ZNF608: variants seen among roughly 807,000 people sequenced by gnomAD.
The protein encoded by ZNF608 is zinc finger protein 608, also known as renal carcinoma antigen NY-REN-36.
Under a neutral mutation model 109.0 loss-of-function variants are expected in ZNF608, and 12 were observed. The observed-to-expected ratio is 0.11, with a 90% CI of 0.07 to 0.18. The LOEUF (loss-of-function observed/expected upper bound fraction) is 0.18, where lower values mean the gene tolerates loss of function less well. Among genes scored for constraint, ZNF608 ranks in the 10% least tolerant of loss-of-function variants. ZNF608 has a pLI of 1.00. For synonymous variants in ZNF608, 732 were observed against 717.4 expected (o/e 1.02, Z -0.33); for missense variants, 1,707 against 1,879.3 (o/e 0.91, Z 1.70).
chr5:124,719,349 G>A (rs2149876813), intron 2 of ZNF608, among the ~76,000 whole-genome samples: 1 of 152,348 alleles, frequency 6.6e-6, no homozygotes, highest in South Asian at 2.1e-4. Flanking sequence ...GCAACTAACA[G>A]TTTAGTGGGG....
At chr5:124,667,209 T>C (rs1751514548) in intron 3 of ZNF608, among the ~76,000 whole-genome samples, 2 of 152,106 alleles carry the variant, frequency 1.3e-5, no homozygotes, top group East Asian at 1.9e-4. Context: ...ATTAAAGAAA[T>C]AAAGTTATTG....
intron 2 of ZNF608, among the ~76,000 whole-genome samples, chr5:124,715,582 C>G (rs959843430): frequency 6.6e-6 from 1 of 152,074 alleles, no homozygotes; most frequent in East Asian, 1.9e-4. Flanking sequence ...TCAAGAAAAA[C>G]TATTATCTTC....
At chr5:124,661,831 T>C (rs1751276620) in intron 3 of ZNF608, among the ~76,000 whole-genome samples, 2 of 152,232 alleles carry the variant, frequency 1.3e-5, no homozygotes, top group African/African-American at 2.4e-5. Flanking sequence ...CAGGATGAAG[T>C]GTTCAAGGCA....
chr5:124,748,010 A>G (rs964899078), upstream of ZNF608, among the ~76,000 whole-genome samples: 4 of 152,032 alleles, frequency 2.6e-5, no homozygotes. Flanking sequence ...TTTTCTCTTA[A>G]TGGTATTTTT....
At chr5:124,722,836 G>A (rs908072660) in intron 2 of ZNF608, among the ~76,000 whole-genome samples, 18 of 151,808 alleles carry the variant, frequency 1.2e-4, no homozygotes, top group Admixed American at 9.2e-4. Flanking sequence ...AGCACTCTTC[G>A]GATAATTCAG....
In ZNF608 at chr5:124,668,216, AT is replaced by A. The variant is rs1561547704; in HGVS notation, c.1163-18520del. On this transcript the variant is annotated intron_variant, in intron 3 of 9. Coordinates refer to ENST00000513986, the MANE Select transcript of ZNF608 (RefSeq NM_020747.3). ...TAAAAATATATATATATATATATAT[AT>A]TATATATATATATATTTTATATATA... Among the ~76,000 whole-genome samples, 22 of 115,114 alleles carry A rather than the reference AT, an allele frequency of 1.9e-4. No homozygotes were observed. In the South Asian group the frequency reaches 3.1e-3, roughly 16 times the overall value. 75.5% of individuals were successfully genotyped at this position (115,114 alleles called of 152,430 possible).
intron 3 of ZNF608, among the ~76,000 whole-genome samples, chr5:124,691,095 C>T (rs1263872835): frequency 6.6e-6 from 1 of 152,022 alleles, no homozygotes; most frequent in Non-Finnish European, 1.5e-5. Flanking sequence ...CAACACCAAC[C>T]CGCACAACAT....
At chr5:124,691,986 C>A (rs1027885557) in intron 3 of ZNF608, among the ~76,000 whole-genome samples, 10 of 151,902 alleles carry the variant, frequency 6.6e-5, no homozygotes, top group Non-Finnish European at 1.2e-4. Context: ...AGAGTTTTTT[C>A]CCATCTACAT....
intron 1 of ZNF608, 149 bp from the exon 2 acceptor site, chr5:124,745,321 T>A: frequency 1.8e-6 from 1 of 541,306 alleles, no homozygotes; most frequent in Non-Finnish European, 2.5e-6. Flanking sequence ...ATATCAGGTT[T>A]AAAGGAAAAT....
chr5:124,747,874 T>A (rs1749694831), upstream of ZNF608, among the ~76,000 whole-genome samples: 1 of 152,032 alleles, frequency 6.6e-6, no homozygotes, highest in African/African-American at 2.4e-5. Context: ...CTACTTGGAT[T>A]TTAGGGACCC....
Position 124,744,707 on chromosome 5 carries a change from C to T in ZNF608, c.283G>A (p.Gly95Arg). Residue 95 changes from glycine to arginine, a missense_variant, in exon 2 of 10, where the codon GGG (glycine) becomes AGG (arginine). Gly to Arg is a moderately radical substitution (Grantham distance 125). This residue lies in a region of ZNF608 where 407 missense variants were observed against 398.7 expected (regional missense o/e 1.02). Transcript: ENST00000513986. This position sits in a 1 kb window ranked among gnomAD's most constrained non-coding sequence, Gnocchi z 4.5. ...FASVQASAPQ[G>R]NSHKETSKSK... ...TTGCTGGTCTCTTTGTGTGAATTCC[C>T]CTGGGGAGCAGAGGCCTGAACAGAA... is the stretch of plus-strand genomic sequence containing the variant. 3 of 1,614,158 alleles carry T rather than the reference C, an allele frequency of 1.9e-6. No individual in the cohort carries two copies. The highest frequency in any genetic ancestry group is 2.5e-6 in the Non-Finnish European group (3 of 1,180,032).
intron 3 of ZNF608, among the ~76,000 whole-genome samples, chr5:124,680,185 T>C (rs1050865189): frequency 6.6e-6 from 1 of 152,130 alleles, no homozygotes; most frequent in African/African-American, 2.4e-5. Context: ...ATAAATTAAA[T>C]GACTAGATCT....
chr5:124,681,508 G>T (rs1282253230), intron 3 of ZNF608, among the ~76,000 whole-genome samples: 1 of 152,118 alleles, frequency 6.6e-6, no homozygotes, highest in Non-Finnish European at 1.5e-5. Flanking sequence ...CGGAGGCTGA[G>T]CTGGGAGCAT....
At chr5:124,694,542 G>A (rs1051688220) in intron 3 of ZNF608, among the ~76,000 whole-genome samples, 2 of 151,910 alleles carry the variant, frequency 1.3e-5, no homozygotes, top group African/African-American at 2.4e-5. Flanking sequence ...TGTTGACAAC[G>A]GTGACGAACC....
rs757857569 is a variant in ZNF608, at chr5:124,744,249, C to T, written c.741G>A (p.Ala247=). 1.1e-5 allele frequency: 17 copies of T among 1,613,398 alleles called. No homozygotes were observed. The highest frequency in any genetic ancestry group is 3.3e-4 in the Middle Eastern group (2 of 6,060). Residue 247 remains alanine (A), a synonymous_variant, in exon 2 of 10, where the codon GCG becomes GCA. Coordinates refer to ENST00000513986, the MANE Select transcript of ZNF608 (RefSeq NM_020747.3). This position sits in a 1 kb window ranked among gnomAD's most constrained non-coding sequence, Gnocchi z 4.5. ...CAGTGCCCCCGCAGTGGAAGGGGCT[C>T]GCGCCACCTCCATTGCTCTTGGCCC... ...GFGAKSNGGG[A]SPFHCGGTGS... is the part of the protein sequence containing the mutation.
At chr5:124,733,059 G>A (rs1047720878) in intron 2 of ZNF608, among the ~76,000 whole-genome samples, 5 of 151,218 alleles carry the variant, frequency 3.3e-5, no homozygotes, top group Non-Finnish European at 5.9e-5. Flanking sequence ...AAAAACAGCT[G>A]AGCATGATCA....
At chr5:124,700,121 C>T (rs1350610938) in intron 3 of ZNF608, among the ~76,000 whole-genome samples, 1 of 152,168 alleles carries the variant, frequency 6.6e-6, no homozygotes, top group Non-Finnish European at 1.5e-5. Flanking sequence ...TCTTTGTTCT[C>T]TGGTCCACTC....
chr5:124,743,979 A>C, intron 2 of ZNF608, 105 bp downstream of exon 2: 2 of 1,459,544 alleles, frequency 1.4e-6, no homozygotes, highest in Non-Finnish European at 9.1e-7. Context: ...TCTCACAAAG[A>C]ACCAGAAAGC....
At chr5:124,638,949 A>G in intron 9 of ZNF608, 184 bp downstream of exon 9, 1 of 803,314 alleles carries the variant, frequency 1.2e-6, no homozygotes, top group Middle Eastern at 2.4e-4. Flanking sequence ...TAACCCTTAC[A>G]GAATGAGGTT....
Sources: allele counts gnomAD v4.1 joint callset (sites outside exome capture counted in the v4.1 genomes callset), GRCh38; gene constraint gnomAD v4.1.1; regional missense constraint gnomAD v4.1.1; non-coding constraint Gnocchi (gnomAD v3.1); transcripts MANE v1.5; gene names NCBI Gene and HGNC (gene_info 2026-07-23, HGNC 2026-07-21).